VGLL1: variants seen among roughly 807,000 people sequenced by gnomAD.
VGLL1 encodes transcription cofactor vestigial-like protein 1.
A neutral mutation model predicts 12.0 loss-of-function variants in VGLL1; 4 were observed. The ratio of observed to expected loss-of-function variants is 0.33; its 90% CI spans 0.16 to 0.76. The LOEUF (loss-of-function observed/expected upper bound fraction) is 0.76. Ranked by LOEUF, VGLL1 falls within the 30% of genes least tolerant of loss-of-function variation. VGLL1 has a pLI of 0.60. For synonymous variants in VGLL1, 87 were observed against 81.2 expected (o/e 1.07, Z -0.39); for missense variants, 204 against 208.7 (o/e 0.98, Z 0.14).
At chrX:136,550,678 G>C in intron 3 of VGLL1, 90 bp from the exon 4 acceptor site, 1 of 638,234 alleles carries the variant, frequency 1.6e-6, no homozygotes, top group South Asian at 2.7e-5. Flanking sequence ...TTAGGGCCAG[G>C]CAATGTGGGG....
chrX:136,537,803 C>T (rs920384311), intron 2 of VGLL1, among the ~76,000 whole-genome samples: 4 of 108,921 alleles, frequency 3.7e-5, no homozygotes, highest in East Asian at 2.8e-4. Context: ...TGACCTCGAG[C>T]GATCCTCCCA....
intron 2 of VGLL1, among the ~76,000 whole-genome samples, chrX:136,546,244 G>C (rs2075869382): frequency 8.9e-6 from 1 of 111,837 alleles, no homozygotes; most frequent in South Asian, 3.8e-4. Flanking sequence ...CCTTGAGCCA[G>C]TGCAGGTTTG....
chrX:136,555,381 A>G (rs1040111033), intron 4 of VGLL1, among the ~76,000 whole-genome samples: 3 of 112,050 alleles, frequency 2.7e-5, no homozygotes, highest in Admixed American at 9.5e-5. Flanking sequence ...GGAGCTTCTT[A>G]GAGAAATTTA....
intron 4 of VGLL1, among the ~76,000 whole-genome samples, chrX:136,552,302 A>G (rs2075888606): frequency 8.9e-6 from 1 of 112,059 alleles, no homozygotes; most frequent in Non-Finnish European, 1.9e-5. Flanking sequence ...CTCCATGAGG[A>G]GATTCATTTA....
intron 2 of VGLL1, among the ~76,000 whole-genome samples, chrX:136,545,039 G>C (rs1338553609): frequency 8.9e-6 from 1 of 112,453 alleles, no homozygotes; most frequent in Admixed American, 9.4e-5. Flanking sequence ...AATAACAACA[G>C]CAACAGCTAC....
chrX:136,551,872 G>A (rs2075887243), intron 4 of VGLL1, among the ~76,000 whole-genome samples: 1 of 111,015 alleles, frequency 9.0e-6, no homozygotes, highest in Admixed American at 9.5e-5. Flanking sequence ...CTTGAGCCCA[G>A]GAGTTAGAGA....
intron 2 of VGLL1, among the ~76,000 whole-genome samples, chrX:136,547,005 C>T (rs919168300): frequency 1.8e-5 from 2 of 113,032 alleles, no homozygotes; most frequent in African/African-American, 6.4e-5. Flanking sequence ...CTCTTCCTAT[C>T]CTTTGTGTCA....
intron 2 of VGLL1, among the ~76,000 whole-genome samples, chrX:136,536,558 C>A (rs758569471): frequency 9.0e-6 from 1 of 111,368 alleles, no homozygotes; most frequent in Non-Finnish European, 1.9e-5. Flanking sequence ...AATTAACCCA[C>A]ATTCATCCCA....
rs878877155 is a variant in VGLL1 at position 136,548,519 on chromosome X, TA to T, written c.215-60del. The T allele has an allele frequency of 1.7e-3, 1,590 of 930,990 alleles. 7 individuals are homozygous for T. In the African/African-American group the frequency reaches 0.019, roughly 11 times the overall value. The allele number at this position is 930,990 out of a possible 1,213,427, so 76.7% of individuals were successfully genotyped here. On this transcript the variant is annotated intron_variant, in intron 2 of 4. Transcript: ENST00000370634. ...AAGTTAAAAAAAATAGAGTATGTAT[TA>T]AAAAAAAAACTACATCCATTTTGAA...
intron 2 of VGLL1, among the ~76,000 whole-genome samples, chrX:136,542,254 C>T (rs2075858464): frequency 9.0e-6 from 1 of 111,264 alleles, no homozygotes; most frequent in African/African-American, 3.3e-5. Flanking sequence ...TATAGTCATG[C>T]TAGTTGTTTA....
intron 2 of VGLL1, among the ~76,000 whole-genome samples, chrX:136,543,491 A>G (rs1174959216): frequency 9.0e-6 from 1 of 111,701 alleles, no homozygotes; most frequent in Admixed American, 9.5e-5. Context: ...ATAAAATGAG[A>G]TTTGTAGGCC....
chrX:136,556,094 A>C (rs2075900329), intron 4 of VGLL1, among the ~76,000 whole-genome samples: 1 of 111,813 alleles, frequency 8.9e-6, no homozygotes. Context: ...AAAGAAGCTG[A>C]AAAGTCTCAG....
chrX:136,535,176 T>C (rs1178476631), intron 1 of VGLL1, among the ~76,000 whole-genome samples: 1 of 111,479 alleles, frequency 9.0e-6, no homozygotes. Context: ...GATATGATGA[T>C]ACCAATGATG....
chrX:136,541,218 C>T (rs763327400), intron 2 of VGLL1, among the ~76,000 whole-genome samples: 43 of 112,117 alleles, frequency 3.8e-4, no homozygotes, highest in Non-Finnish European at 5.1e-4. Flanking sequence ...CCCCTGCCTG[C>T]TGAGGGAAGT....
chrX:136,552,612 G>A (rs1202089604), intron 4 of VGLL1, among the ~76,000 whole-genome samples: 1 of 112,132 alleles, frequency 8.9e-6, no homozygotes, highest in Non-Finnish European at 1.9e-5. Flanking sequence ...TGAGGTGTAT[G>A]TGAATATGTC....
intron 2 of VGLL1, among the ~76,000 whole-genome samples, chrX:136,542,038 C>T (rs1346972668): frequency 1.8e-5 from 2 of 109,794 alleles, no homozygotes; most frequent in Non-Finnish European, 1.9e-5. Flanking sequence ...GTCCTGTCCC[C>T]AGCCCCAGTC....
chrX:136,532,857 A>G (rs2075829698), intron 1 of VGLL1, among the ~76,000 whole-genome samples: 3 of 109,316 alleles, frequency 2.7e-5, no homozygotes, highest in African/African-American at 1.0e-4. Context: ...GGTTTTGTCT[A>G]CTACGAGAGG....
At chrX:136,539,549 TGCTTTCTTG>T (rs1246362829) in intron 2 of VGLL1, among the ~76,000 whole-genome samples, 2 of 111,573 alleles carry the variant, frequency 1.8e-5, no homozygotes, top group Non-Finnish European at 3.8e-5. Flanking sequence ...CATAACATTA[TGCTTTCTTG>T]GTTTTCCTCC....
At chrX:136,551,432 A>G (rs1338907833) in intron 4 of VGLL1, among the ~76,000 whole-genome samples, 1 of 111,650 alleles carries the variant, frequency 9.0e-6, no homozygotes, top group African/African-American at 3.3e-5. Flanking sequence ...TCCACACTCA[A>G]TTTGAAAGTG....
Sources: allele counts gnomAD v4.1 joint callset (sites outside exome capture counted in the v4.1 genomes callset), GRCh38; gene constraint gnomAD v4.1.1; transcripts MANE v1.5; gene names NCBI Gene and HGNC (gene_info 2026-07-23, HGNC 2026-07-21).